The following SCML4 variants were observed in gnomAD, a reference collection of about 807,000 sequenced individuals.
The protein encoded by SCML4 is Scm polycomb group protein like 4, also known as sex comb on midleg-like protein 4.
Under a neutral mutation model 41.1 loss-of-function variants are expected in SCML4, and 34 were observed. The ratio of observed to expected loss-of-function variants is 0.83; its 90% CI spans 0.63 to 1.10. SCML4 has a LOEUF of 1.10. Among genes scored for constraint, SCML4 ranks in the 50% least tolerant of loss-of-function variants. The pLI is 0.00. For synonymous variants in SCML4, 214 were observed against 220.9 expected (o/e 0.97, Z 0.28); for missense variants, 522 against 534.1 (o/e 0.98, Z 0.22).
intron 3 of SCML4, among the ~76,000 whole-genome samples, chr6:107,747,200 A>G (rs904233481): frequency 2.6e-5 from 4 of 152,194 alleles, no homozygotes; most frequent in African/African-American, 9.7e-5. Flanking sequence ...ACCGTGTGTA[A>G]AAAGGTATTT....
At chr6:107,827,200 GTAAA>G (rs1251102842), upstream of SCML4, among the ~76,000 whole-genome samples, 1 of 145,564 alleles carries the variant, frequency 6.9e-6, no homozygotes, top group Non-Finnish European at 1.5e-5. Flanking sequence ...TAATAAATAT[GTAAA>G]TATATTTATT....
intron 1 of SCML4, among the ~76,000 whole-genome samples, chr6:107,787,010 C>A (rs910665548): frequency 6.6e-6 from 1 of 152,176 alleles, no homozygotes. Flanking sequence ...CATTAGTGGG[C>A]AGAGGGTAGA....
In SCML4 at chr6:107,702,805, C is replaced by A. The variant is rs939718619; in HGVS notation, c.*2395G>T. On this transcript the variant is annotated 3_prime_UTR_variant, in exon 8 of 8. Transcript: ENST00000369020. Reference sequence around the variant, plus strand: ...CCTGTCAGAGGCATTTGAACCAGAGCAACTCCATCTTGAATGGGAGCTGGG... The same window carrying A: ...CCTGTCAGAGGCATTTGAACCAGAGAAACTCCATCTTGAATGGGAGCTGGG... Among the ~76,000 whole-genome samples, 3 of 152,234 alleles carry A rather than the reference C, an allele frequency of 2.0e-5. No individual in the cohort carries two copies. The highest frequency in any genetic ancestry group is 4.4e-5 in the Non-Finnish European group (3 of 68,042).
At chr6:107,843,367 T>C in the SCML4 span, among the ~76,000 whole-genome samples, 1 of 152,124 alleles carries the variant, frequency 6.6e-6, no homozygotes, top group African/African-American at 2.4e-5. Flanking sequence ...ATCAGAAACA[T>C]TGTTCCACTG....
At chr6:107,751,512 C>G (rs1015298384) in intron 2 of SCML4, among the ~76,000 whole-genome samples, 1 of 152,088 alleles carries the variant, frequency 6.6e-6, no homozygotes, top group Non-Finnish European at 1.5e-5. Context: ...AGGCTTTTAG[C>G]TATTACTCTT....
In SCML4 at chr6:107,720,790, A is replaced by G. The variant is rs771765512; in HGVS notation, c.886T>C (p.Ser296Pro). The G allele has an allele frequency of 3.1e-6, 5 of 1,613,808 alleles. No individual in the cohort carries two copies. The South Asian group carries it at 4.4e-5, about 14-fold the overall frequency. Residue 296 changes from serine to proline, a missense_variant, in exon 6 of 8, where the codon TCT becomes CCT. Ser to Pro is a moderately conservative substitution (Grantham distance 74, BLOSUM62 -1). Transcript: ENST00000369020. ...TAGGPRTSPM[S>P]SGGPSAPGLR... ...CCAGGTGCCGAGGGGCCACCAGAAG[A>G]CATGGGGCTAGTGCGGGGACCACCA...
intron 5 of SCML4, among the ~76,000 whole-genome samples, chr6:107,721,288 G>C (rs1396259312): frequency 1.3e-5 from 2 of 152,140 alleles, no homozygotes; most frequent in Non-Finnish European, 2.9e-5. Context: ...ATCAGGCCAG[G>C]TGCAGTGGCT....
chr6:107,839,339 GAA>G, the SCML4 span, among the ~76,000 whole-genome samples: 73,259 of 129,878 alleles, frequency 0.56, 20,620 homozygotes, highest in East Asian at 0.83. Flanking sequence ...AAGAGAGAGA[GAA>G]AAAGAAAGAA....
At chr6:107,768,586 G>T (rs186762695) in intron 2 of SCML4, among the ~76,000 whole-genome samples, 2 of 152,274 alleles carry the variant, frequency 1.3e-5, no homozygotes, top group African/African-American at 4.8e-5. Context: ...GGAGCGGAGG[G>T]CTGCTGCCTC....
intron 1 of SCML4, among the ~76,000 whole-genome samples, chr6:107,774,830 T>C (rs991207615): frequency 1.3e-5 from 2 of 151,992 alleles, no homozygotes; most frequent in African/African-American, 2.4e-5. Context: ...CAGACCAGCC[T>C]GGCCAACATG....
chr6:107,781,484 C>T (rs560396287), intron 1 of SCML4, among the ~76,000 whole-genome samples: 73 of 151,974 alleles, frequency 4.8e-4, no homozygotes, highest in Non-Finnish European at 1.9e-4. Context: ...CCATCTCTAC[C>T]GAAAATACAA....
chr6:107,714,006 G>A (rs1774496860), intron 6 of SCML4, among the ~76,000 whole-genome samples: 1 of 152,154 alleles, frequency 6.6e-6, no homozygotes, highest in South Asian at 2.1e-4. Flanking sequence ...CCGCCTCCCA[G>A]GTTCAAGTGA....
intron 5 of SCML4, among the ~76,000 whole-genome samples, chr6:107,735,846 C>G (rs1424839895): frequency 6.6e-6 from 1 of 151,952 alleles, no homozygotes. Flanking sequence ...AAGCATACAG[C>G]TCAGTGATAT....
chr6:107,751,181 A>G (rs1562218018), intron 2 of SCML4, among the ~76,000 whole-genome samples: 1 of 152,234 alleles, frequency 6.6e-6, no homozygotes, highest in Non-Finnish European at 1.5e-5. Flanking sequence ...ATGATATAGT[A>G]GATTACATGT....
chr6:107,756,624 A>G (rs1200290333), intron 2 of SCML4, among the ~76,000 whole-genome samples: 7 of 152,184 alleles, frequency 4.6e-5, no homozygotes, highest in Admixed American at 1.3e-4. Context: ...TTTAATAATG[A>G]AGTATTATGA....
upstream of SCML4, among the ~76,000 whole-genome samples, chr6:107,825,526 T>C (rs1177532169): frequency 1.3e-5 from 2 of 152,252 alleles, no homozygotes; most frequent in Non-Finnish European, 2.9e-5. Context: ...TTCACTACTT[T>C]AGTTCATTTA....
chr6:107,762,393 G>A (rs968925419), intron 2 of SCML4, among the ~76,000 whole-genome samples: 2 of 152,074 alleles, frequency 1.3e-5, no homozygotes, highest in African/African-American at 4.8e-5. Context: ...TTAAAAATAC[G>A]ATTGGACTAA....
chr6:107,739,080 C>T (rs1185618367), intron 5 of SCML4, among the ~76,000 whole-genome samples: 1 of 152,152 alleles, frequency 6.6e-6, no homozygotes, highest in Non-Finnish European at 1.5e-5. Flanking sequence ...GGTTATTTAA[C>T]TGCTAAGTTC....
chr6:107,792,668 G>A (rs1782422231), intron 1 of SCML4, among the ~76,000 whole-genome samples: 1 of 151,634 alleles, frequency 6.6e-6, no homozygotes, highest in Admixed American at 6.6e-5. Flanking sequence ...GGAGGCAGAG[G>A]TTGCAGTGAG....
Sources: gnomAD v4.1 joint callset for allele counts (sites outside exome capture counted in the v4.1 genomes callset) on GRCh38, gnomAD v4.1.1 for gene constraint, MANE v1.5 for transcripts, NCBI Gene and HGNC (gene_info 2026-07-23, HGNC 2026-07-21) for gene names.